The following DPP6 variants were observed in gnomAD, a reference collection of about 807,000 sequenced individuals.
The protein encoded by DPP6 is dipeptidyl peptidase like 6.
In DPP6, 69 loss-of-function variants were observed where a neutral mutation model predicts 122.6. The ratio of observed to expected loss-of-function variants is 0.56; its 90% CI spans 0.46 to 0.69. The LOEUF (loss-of-function observed/expected upper bound fraction) is 0.69, where lower values mean the gene tolerates loss of function less well. Ranked by LOEUF, DPP6 falls within the 30% of genes least tolerant of loss-of-function variation. The pLI, the probability that DPP6 is intolerant of heterozygous loss-of-function variation, is 0.00. For synonymous variants in DPP6, 418 were observed against 433.1 expected (o/e 0.97, Z 0.43); for missense variants, 928 against 1,116.9 (o/e 0.83, Z 2.41).
At chr7:154,827,384 A>C (rs562615350) in intron 16 of DPP6, among the ~76,000 whole-genome samples, 3 of 151,164 alleles carry the variant, frequency 2.0e-5, no homozygotes, top group Non-Finnish European at 2.9e-5. Flanking sequence ...CAAAGCCTTT[A>C]GCTGGGTGAA....
chr7:154,885,290 C>T (rs1038149664), intron 21 of DPP6: 5 of 218,510 alleles, frequency 2.3e-5, no homozygotes, highest in African/African-American at 6.9e-5. Flanking sequence ...ACAAGGGAGG[C>T]GGTAAGAAAT....
intron 1 of DPP6, among the ~76,000 whole-genome samples, chr7:154,272,524 C>G (rs971859239): frequency 2.0e-5 from 3 of 152,180 alleles, no homozygotes; most frequent in Non-Finnish European, 4.4e-5. Context: ...AGCACTTGGG[C>G]AAATTTTCCT....
intron 6 of DPP6, among the ~76,000 whole-genome samples, chr7:154,661,867 T>C (rs542162786): frequency 2.2e-4 from 33 of 149,510 alleles, no homozygotes; most frequent in African/African-American, 6.0e-4. Context: ...AGTGTTCATA[T>C]AGTCATGGTG....
At chr7:153,946,234 G>A (rs1423964853) in intron 1 of DPP6, among the ~76,000 whole-genome samples, 6 of 152,178 alleles carry the variant, frequency 3.9e-5, no homozygotes, top group Non-Finnish European at 7.3e-5. Context: ...TGGCTACTCC[G>A]TAGGCAGAGC....
At chr7:154,356,725 A>G (rs1811299409) in intron 1 of DPP6, among the ~76,000 whole-genome samples, 1 of 152,250 alleles carries the variant, frequency 6.6e-6, no homozygotes, top group Non-Finnish European at 1.5e-5. Context: ...TTCCGGAAGT[A>G]GATATACACA....
chr7:154,411,676 ACT>A (rs1816612807), intron 1 of DPP6, among the ~76,000 whole-genome samples: 1 of 151,942 alleles, frequency 6.6e-6, no homozygotes, highest in African/African-American at 2.4e-5. Flanking sequence ...ACATTTATGA[ACT>A]CTGTTTTCTT....
At chr7:154,573,795 G>A (rs1304764965) in intron 5 of DPP6, among the ~76,000 whole-genome samples, 4 of 152,154 alleles carry the variant, frequency 2.6e-5, no homozygotes, top group African/African-American at 9.7e-5. Flanking sequence ...ATATATCCAC[G>A]TTCTTGGGAA....
At chr7:154,062,547 T>G (rs369255914) in intron 1 of DPP6, among the ~76,000 whole-genome samples, 114 of 5,280 alleles carry the variant, frequency 0.022, no homozygotes, top group Non-Finnish European at 0.03. Flanking sequence ...GCCCCTGGCT[T>G]TTGGTACCCC....
At chr7:154,566,078 T>C (rs1273516328) in intron 4 of DPP6, among the ~76,000 whole-genome samples, 1 of 152,252 alleles carries the variant, frequency 6.6e-6, no homozygotes, top group Non-Finnish European at 1.5e-5. Flanking sequence ...TAGTCTTCTA[T>C]GTACTGACTT....
At chr7:154,459,820 AAAAAGAAAAG>A (rs1278707804) in intron 2 of DPP6, among the ~76,000 whole-genome samples, 6 of 148,790 alleles carry the variant, frequency 4.0e-5, no homozygotes, top group African/African-American at 1.2e-4. Flanking sequence ...AAAAAAAAAA[AAAAAGAAAAG>A]AAAAAGAAAA....
chr7:153,877,617 A>T, the DPP6 span, among the ~76,000 whole-genome samples: 2 of 152,188 alleles, frequency 1.3e-5, no homozygotes, highest in Non-Finnish European at 1.5e-5. Context: ...CTGAAATGTT[A>T]TGTCATGCAT....
Position 154,481,224 on chromosome 7 carries a change from T to C in DPP6, c.457+6187T>C, listed in dbSNP as rs1395980032. 6.6e-6 allele frequency among the ~76,000 whole-genome samples: 1 copy of C among 152,186 alleles called. No homozygotes were observed. The highest frequency in any genetic ancestry group is 2.4e-5 in the African/African-American group (1 of 41,434). On this transcript the variant is annotated intron_variant, in intron 3 of 25. Transcript: ENST00000377770. The surrounding 1 kb of genome is among the most constrained non-coding windows in gnomAD (Gnocchi z 4.2). ...TCAAGTTTCTCACTTATCCTCACTT[T>C]GTACTCCCTGAGGGGAAATAATTCA...
the DPP6 span, among the ~76,000 whole-genome samples, chr7:153,773,892 T>G: frequency 1.4e-5 from 2 of 144,794 alleles, no homozygotes; most frequent in Admixed American, 1.4e-4. Context: ...AAAAAATCAA[T>G]AGAGAAAATC....
chr7:154,348,955 AC>A lies in DPP6; in HGVS notation c.244-97258del, dbSNP rs1810617549. 3.3e-5 allele frequency among the ~76,000 whole-genome samples: 5 copies of A among 152,332 alleles called. No individual in the cohort carries two copies. In the South Asian group the frequency reaches 1.0e-3, roughly 32 times the overall value. ...ATGACAAGGTTAACAAATGTGCAAC[AC>A]AAGTTGCCTGTTCTCTGTTGTTTCG... On this transcript the variant is annotated intron_variant, in intron 1 of 25. Transcript: ENST00000377770.
At chr7:153,784,296 C>G in the DPP6 span, among the ~76,000 whole-genome samples, 1 of 152,186 alleles carries the variant, frequency 6.6e-6, no homozygotes, top group Non-Finnish European at 1.5e-5. Context: ...ATTTGCTGTG[C>G]TTAGCATAAA....
At chr7:154,298,671 T>G (rs1805703123) in intron 1 of DPP6, among the ~76,000 whole-genome samples, 1 of 152,094 alleles carries the variant, frequency 6.6e-6, no homozygotes, top group South Asian at 2.1e-4. Flanking sequence ...AGGTGATGAG[T>G]GCGTTAGGGC....
chr7:154,889,234 A>C (rs1319320935), intron 23 of DPP6, 38 bp from the exon 24 acceptor site: 1 of 1,603,096 alleles, frequency 6.2e-7, no homozygotes, highest in African/African-American at 1.3e-5. Context: ...CCTGCAGTGC[A>C]GCCCCCTAAC....
chr7:154,285,298 C>A (rs1804777063), intron 1 of DPP6, among the ~76,000 whole-genome samples: 1 of 152,022 alleles, frequency 6.6e-6, no homozygotes, highest in Non-Finnish European at 1.5e-5. Context: ...GAGTTTTGCT[C>A]TTGTCACCCA....
At chr7:154,050,966 G>T (rs545180861), upstream of DPP6, among the ~76,000 whole-genome samples, 1 of 148,566 alleles carries the variant, frequency 6.7e-6, no homozygotes, top group South Asian at 2.2e-4. Flanking sequence ...CTTCCCAGGA[G>T]ACTTGTTCAC....
Sources: gnomAD v4.1 joint callset for allele counts (sites outside exome capture counted in the v4.1 genomes callset) on GRCh38, gnomAD v4.1.1 for gene constraint, Gnocchi (gnomAD v3.1) non-coding constraint, MANE v1.5 for transcripts, NCBI Gene and HGNC (gene_info 2026-07-23, HGNC 2026-07-21) for gene names.